The following TMPRSS9 variants were observed in gnomAD, a reference collection of about 807,000 sequenced individuals.
TMPRSS9 encodes transmembrane serine protease 9.
TMPRSS9 carries 113 observed loss-of-function variants against 111.4 expected under a neutral mutation model. The observed-to-expected ratio is 1.01, with a 90% CI of 0.87 to 1.19. The LOEUF (loss-of-function observed/expected upper bound fraction) is 1.19. Ranked by LOEUF, TMPRSS9 falls within the 50% of genes most tolerant of loss-of-function variation. TMPRSS9 has a pLI of 0.00. For missense variants in TMPRSS9, 1,803 were observed against 1,513.1 expected (o/e 1.19, Z -3.18); for synonymous variants, 805 against 659.1 (o/e 1.22, Z -3.39).
chr19:2,425,659 C>A lies in TMPRSS9; in HGVS notation c.3120+166C>A, dbSNP rs766997202. The A allele has an allele frequency of 6.0e-6, 8 of 1,328,712 alleles. No homozygotes were observed. The Admixed American group carries it at 2.3e-4, about 38-fold the overall frequency. 82.3% of individuals were successfully genotyped at this position (1,328,712 alleles called of 1,614,324 possible). A position where few individuals can be genotyped will look rare whatever the true frequency, so the allele number is the denominator to read the frequency against. The stretch of plus-strand genomic sequence containing the variant: ...CTCTGGAGGAATTTCCACTCCACAG[C>A]CGTTTATTGGGCAACCCACCGCATC... On this transcript the variant is annotated intron_variant, in intron 17 of 17. Coordinates refer to ENST00000648592, the Ensembl canonical transcript of TMPRSS9.
At chr19:2,423,682 T>C (rs530121983) in intron 14 of TMPRSS9, among the ~76,000 whole-genome samples, 257 of 151,948 alleles carry the variant, frequency 1.7e-3, no homozygotes, top group Admixed American at 3.5e-3. Flanking sequence ...TGGCACCGTC[T>C]GGGGAGGGCT....
At chr19:2,400,690 G>A (rs1244446332) in intron 4 of TMPRSS9, among the ~76,000 whole-genome samples, 2 of 151,506 alleles carry the variant, frequency 1.3e-5, no homozygotes, top group African/African-American at 4.8e-5. Flanking sequence ...TTAAAGATTT[G>A]TTGCCAGGTG....
intron 9 of TMPRSS9, among the ~76,000 whole-genome samples, chr19:2,412,237 C>G (rs1035952150): frequency 6.6e-6 from 1 of 151,756 alleles, no homozygotes; most frequent in Non-Finnish European, 1.5e-5. Context: ...TCTACAAAAA[C>G]AAAAACAAAA....
At chr19:2,415,164 C>G (rs940843910) in intron 10 of TMPRSS9, among the ~76,000 whole-genome samples, 3 of 151,904 alleles carry the variant, frequency 2.0e-5, no homozygotes, top group Non-Finnish European at 4.4e-5. Flanking sequence ...AGGCTGGTCT[C>G]GAACTCCTGA....
chr19:2,393,294 G>A (rs774154548), intron 1 of TMPRSS9, among the ~76,000 whole-genome samples: 13 of 152,092 alleles, frequency 8.5e-5, no homozygotes, highest in Admixed American at 2.6e-4. Flanking sequence ...TTTCACTCCT[G>A]AGGCCAGCAA....
At chr19:2,372,717 T>C (rs936385741) in intron 1 of TMPRSS9, among the ~76,000 whole-genome samples, 2 of 152,172 alleles carry the variant, frequency 1.3e-5, no homozygotes, top group African/African-American at 4.8e-5. Flanking sequence ...TGTCCAGCAC[T>C]AAATGATTTT....
At chr19:2,415,965 AG>A (rs1311075488) in intron 11 of TMPRSS9, 124 bp downstream of exon 12, 23 of 1,169,712 alleles carry the variant, frequency 2.0e-5, no homozygotes, top group Non-Finnish European at 2.6e-5. Context: ...TCCTCTCCTG[AG>A]GGCAGCTGAG....
chr19:2,403,521 T>C (rs992932589), intron 6 of TMPRSS9, among the ~76,000 whole-genome samples: 1 of 152,024 alleles, frequency 6.6e-6, no homozygotes, highest in Non-Finnish European at 1.5e-5. Flanking sequence ...CAGTGGGGCG[T>C]GGCCACAGGG....
At chr19:2,421,514 C>T (rs1971461841) in intron 13 of TMPRSS9, among the ~76,000 whole-genome samples, 1 of 152,050 alleles carries the variant, frequency 6.6e-6, no homozygotes, top group African/African-American at 2.4e-5. Context: ...GCCTGGAACT[C>T]CTGACTTCAT....
chr19:2,399,719 C>A (rs1970789512), intron 4 of TMPRSS9, among the ~76,000 whole-genome samples: 1 of 151,974 alleles, frequency 6.6e-6, no homozygotes, highest in Admixed American at 6.6e-5. Flanking sequence ...CTTTTCTTTT[C>A]CATTTTTTTT....
At chr19:2,381,238 G>C (rs187813654) in intron 1 of TMPRSS9, among the ~76,000 whole-genome samples, 1 of 152,170 alleles carries the variant, frequency 6.6e-6, no homozygotes, top group East Asian at 1.9e-4. Flanking sequence ...TAGCTGTGGA[G>C]TTCTTTCTGT....
intron 1 of TMPRSS9, among the ~76,000 whole-genome samples, chr19:2,381,817 G>T (rs1970388558): frequency 7.1e-6 from 1 of 141,186 alleles, no homozygotes; most frequent in African/African-American, 2.9e-5. Flanking sequence ...TAGAATTTCA[G>T]ATATGTATTC....
rs989432277 is a variant in TMPRSS9 at position 2,422,333 on chromosome 19, A to T, written c.2548+86A>T. ...TGCCTAACAAGACATAACGTCGTCC[A>T]CTTTGGGAGGCCGAGGCGGGCGGAT... On this transcript the variant is annotated intron_variant, in intron 14 of 17. Coordinates refer to ENST00000648592, the Ensembl canonical transcript of TMPRSS9. The T allele has an allele frequency of 2.1e-5, 30 of 1,424,460 alleles. No individual in the cohort carries two copies. In the East Asian group the frequency reaches 6.9e-4, roughly 33 times the overall value. 88.2% of individuals were successfully genotyped at this position (1,424,460 alleles called of 1,614,324 possible). A position where few individuals can be genotyped will look rare whatever the true frequency, so the allele number is the denominator to read the frequency against.
At chr19:2,394,299 A>G (rs1271406895) in intron 1 of TMPRSS9, among the ~76,000 whole-genome samples, 2 of 152,084 alleles carry the variant, frequency 1.3e-5, no homozygotes, top group Non-Finnish European at 2.9e-5. Context: ...AGGCAGGAGG[A>G]TCACCTGAGC....
upstream of TMPRSS9, among the ~76,000 whole-genome samples, chr19:2,389,415 G>T (rs1214629990): frequency 2.7e-5 from 4 of 146,604 alleles, no homozygotes; most frequent in Non-Finnish European, 6.0e-5. Context: ...TGTCACCCGG[G>T]CTGGAGTGCA....
At chr19:2,425,805 A>G in intron 17 of TMPRSS9, 122 bp from the exon 19 acceptor site, 1 of 1,372,180 alleles carries the variant, frequency 7.3e-7, no homozygotes, top group Non-Finnish European at 9.7e-7. Context: ...CCCATTTTCC[A>G]GATAGTGAAA....
intron 13 of TMPRSS9, 125 bp downstream of exon 14, chr19:2,418,263 C>A: frequency 9.4e-7 from 1 of 1,069,302 alleles, no homozygotes; most frequent in Non-Finnish European, 1.2e-6. Context: ...TCCTTCCCTC[C>A]TTGTCCTTCC....
intron 1 of TMPRSS9, among the ~76,000 whole-genome samples, chr19:2,376,812 G>C (rs1160261045): frequency 6.6e-6 from 1 of 152,122 alleles, no homozygotes; most frequent in African/African-American, 2.4e-5. Flanking sequence ...TCTGTACCAA[G>C]GAGTCAAGGC....
intron 13 of TMPRSS9, among the ~76,000 whole-genome samples, chr19:2,420,428 T>C (rs62122262): frequency 0.11 from 13,909 of 124,582 alleles, 1,032 homozygotes; most frequent in East Asian, 0.28. Context: ...GGCAACAGAG[T>C]GAGACTCCAC....
Sources: allele counts gnomAD v4.1 joint callset (sites outside exome capture counted in the v4.1 genomes callset), GRCh38; gene constraint gnomAD v4.1.1; transcripts MANE v1.5; gene names NCBI Gene and HGNC (gene_info 2026-07-23, HGNC 2026-07-21).